Variants in SGSM1 observed in about 807,000 individuals in gnomAD.
SGSM1 encodes RUN and TBC1 domain containing 2.
SGSM1 carries 73 observed loss-of-function variants against 133.8 expected under a neutral mutation model. The ratio of observed to expected loss-of-function variants is 0.55; its 90% confidence interval spans 0.45 to 0.66. The LOEUF (loss-of-function observed/expected upper bound fraction) is 0.66, where lower values mean the gene tolerates loss of function less well. Ranked by LOEUF, SGSM1 falls within the 30% of genes least tolerant of loss-of-function variation. The pLI, the probability that SGSM1 is intolerant of heterozygous loss-of-function variation, is 0.00. For synonymous variants in SGSM1, 563 were observed against 573.0 expected (o/e 0.98, Z 0.25); for missense variants, 1,213 against 1,448.1 (o/e 0.84, Z 2.64).
At chr22:24,913,941 G>C (rs906298805) in intron 22 of SGSM1, among the ~76,000 whole-genome samples, 2 of 151,906 alleles carry the variant, frequency 1.3e-5, no homozygotes, top group African/African-American at 2.4e-5. Context: ...TGGATCACGA[G>C]GTCAGGAGAT....
At chr22:24,808,477 A>G (rs765606958) in intron 2 of SGSM1, among the ~76,000 whole-genome samples, 2 of 152,182 alleles carry the variant, frequency 1.3e-5, no homozygotes, top group Non-Finnish European at 2.9e-5. Flanking sequence ...GTGGAGGGGC[A>G]TGTACCTTAC....
chr22:24,850,064 C>A (rs1930367391), intron 4 of SGSM1, among the ~76,000 whole-genome samples: 1 of 152,066 alleles, frequency 6.6e-6, no homozygotes, highest in Non-Finnish European at 1.5e-5. Context: ...TCTGGCTTGC[C>A]CTAGGAAAGT....
intron 14 of SGSM1, among the ~76,000 whole-genome samples, chr22:24,882,970 T>A (rs1932415930): frequency 6.6e-6 from 1 of 151,724 alleles, no homozygotes; most frequent in Non-Finnish European, 1.5e-5. Context: ...CGATCTCAGC[T>A]CACTGCAAGC....
chr22:24,851,100 CAAAAAAA>C (rs68153757), intron 5 of SGSM1, among the ~76,000 whole-genome samples: 4 of 95,808 alleles, frequency 4.2e-5, no homozygotes, highest in East Asian at 6.0e-4. Flanking sequence ...GACTCCATCT[CAAAAAAA>C]AAAAAAAAAA....
intron 2 of SGSM1, among the ~76,000 whole-genome samples, chr22:24,821,710 GAAAGGACA>G (rs1928479091): frequency 6.6e-6 from 1 of 152,164 alleles, no homozygotes; most frequent in African/African-American, 2.4e-5. Flanking sequence ...ACAGTGTGAG[GAAAGGACA>G]TTGCTTTCTT....
At chr22:24,896,325 T>C (rs1440886878) in intron 18 of SGSM1, among the ~76,000 whole-genome samples, 2 of 152,088 alleles carry the variant, frequency 1.3e-5, no homozygotes, top group African/African-American at 4.8e-5. Context: ...TTTTACATAA[T>C]TAAAATCAAT....
intron 3 of SGSM1, among the ~76,000 whole-genome samples, chr22:24,847,077 C>G (rs533760458): frequency 6.6e-6 from 1 of 152,140 alleles, no homozygotes; most frequent in Non-Finnish European, 1.5e-5. Context: ...CCTGACCTCG[C>G]TCTCCAGCAC....
chr22:24,816,561 A>G, intron 2 of SGSM1, among the ~76,000 whole-genome samples: 1 of 151,974 alleles, frequency 6.6e-6, no homozygotes. Context: ...GAATACAGGC[A>G]TGCACCATCA....
chr22:24,877,412 A>G (rs1417006247), intron 13 of SGSM1, among the ~76,000 whole-genome samples: 1 of 152,124 alleles, frequency 6.6e-6, no homozygotes, highest in Admixed American at 6.6e-5. Context: ...ATAAAGTTAA[A>G]TCTCAAGCTC....
rs2147886473 is a variant in SGSM1 at position 24,876,646 on chromosome 22, C to A, written c.1361C>A (p.Ser454Tyr). 1 of 1,613,996 alleles carries A rather than the reference C, an allele frequency of 6.2e-7. No homozygotes were observed. The highest frequency in any genetic ancestry group is 2.2e-5 in the East Asian group (1 of 44,880). Residue 454 changes from serine (S) to tyrosine (Y), a missense_variant, in exon 13 of 25, where the codon TCC becomes TAC. Physicochemically the swap from Ser to Tyr is moderately radical, Grantham distance 144. Coordinates refer to ENST00000400358, the MANE Select transcript of SGSM1 (RefSeq NM_001098497.3). ...CTGTGGCAGCCCAGTCCCCGGAAGT[C>A]CTCCTGTTCATCCTGTTCACAGAGT... ...PSLWQPSPRK[S>Y]SCSSCSQSGS...
rs1023234257 is a variant in SGSM1 at position 24,845,961 on chromosome 22, C to CT, written c.139+992dup. ...TTTTCTTTTCTTTCTTTCTTTCTTTCTTTCTTTCTTTCTTTCTTTCTTTCT... is the reference window on the plus strand; with the variant it reads ...TTTTCTTTTCTTTCTTTCTTTCTTTCTTTTCTTTCTTTCTTTCTTTCTTTCT... On this transcript the variant is annotated intron_variant, in intron 3 of 24. Transcript: ENST00000400358. Among the ~76,000 whole-genome samples the CT allele has an allele frequency of 8.1e-4, 85 of 104,914 alleles. 2 individuals carry two copies. The highest frequency in any genetic ancestry group is 1.8e-3 in the African/African-American group (56 of 30,976). 68.8% of individuals were successfully genotyped at this position (104,914 alleles called of 152,430 possible).
intron 21 of SGSM1, among the ~76,000 whole-genome samples, chr22:24,910,284 A>G (rs962021046): frequency 6.6e-6 from 1 of 152,182 alleles, no homozygotes; most frequent in South Asian, 2.1e-4. Context: ...TGATTGCACA[A>G]CATTGTGAAT....
chr22:24,834,393 A>C (rs1484795428), intron 2 of SGSM1, among the ~76,000 whole-genome samples: 1 of 152,218 alleles, frequency 6.6e-6, no homozygotes. Flanking sequence ...TTTTGTGAAT[A>C]AAGTTTTATT....
At chr22:24,912,325 G>A (rs1001309247) in intron 21 of SGSM1, among the ~76,000 whole-genome samples, 8 of 152,320 alleles carry the variant, frequency 5.3e-5, no homozygotes, top group Admixed American at 2.0e-4. Flanking sequence ...CACGTGTGGG[G>A]TGCATGAGAA....
intron 2 of SGSM1, among the ~76,000 whole-genome samples, chr22:24,807,634 A>G (rs1458669563): frequency 1.3e-5 from 2 of 152,132 alleles, no homozygotes; most frequent in African/African-American, 2.4e-5. Flanking sequence ...GAACCTTATC[A>G]GCGCTTAGCC....
chr22:24,827,585 G>A (rs1362301627), intron 2 of SGSM1, among the ~76,000 whole-genome samples: 2 of 152,042 alleles, frequency 1.3e-5, no homozygotes, highest in African/African-American at 4.8e-5. Context: ...GCAGCCGGCC[G>A]TTCACCTGAT....
At chr22:24,923,044 A>G (rs1934068542) in intron 24 of SGSM1, among the ~76,000 whole-genome samples, 2 of 152,168 alleles carry the variant, frequency 1.3e-5, no homozygotes, top group South Asian at 4.1e-4. Flanking sequence ...TAGAGGAGGC[A>G]TGAGAATCAC....
intron 12 of SGSM1, among the ~76,000 whole-genome samples, chr22:24,870,380 G>A (rs764835525): frequency 8.5e-5 from 13 of 152,188 alleles, no homozygotes; most frequent in Non-Finnish European, 1.5e-4. Context: ...AGTTCTACTC[G>A]AGAGCCAGTT....
At chr22:24,849,616 C>T (rs6004317) in intron 4 of SGSM1, among the ~76,000 whole-genome samples, 1 of 152,012 alleles carries the variant, frequency 6.6e-6, no homozygotes, top group Non-Finnish European at 1.5e-5. Context: ...ATGGAGGGGA[C>T]GACAGAAAAG....
Sources: gnomAD v4.1 joint callset for allele counts (sites outside exome capture counted in the v4.1 genomes callset) on GRCh38, gnomAD v4.1.1 for gene constraint, MANE v1.5 for transcripts, NCBI Gene and HGNC (gene_info 2026-07-23, HGNC 2026-07-21) for gene names.